MESD: variants seen among roughly 807,000 people sequenced by gnomAD.
MESD encodes the protein mesoderm development LRP chaperone.
MESD carries 7 observed loss-of-function variants against 12.9 expected under a neutral mutation model. The ratio of observed to expected loss-of-function variants is 0.54; its 90% CI spans 0.31 to 1.02. The LOEUF (loss-of-function observed/expected upper bound fraction) is 1.02, where lower values mean the gene tolerates loss of function less well. Among genes scored for constraint, MESD ranks in the 50% least tolerant of loss-of-function variants. MESD has a pLI of 0.05. For missense variants in MESD, 342 were observed against 296.7 expected, an observed-to-expected ratio of 1.15 and a Z score of -1.12; for synonymous variants, 126 against 115.6, an observed-to-expected ratio of 1.09 and a Z score of -0.58.
intron 1 of MESD, among the ~76,000 whole-genome samples, chr15:80,984,866 T>C (rs1347936883): frequency 2.0e-5 from 3 of 152,316 alleles, no homozygotes; most frequent in East Asian, 3.9e-4. Context: ...TGTACTATAT[T>C]AAAAATAATT....
intron 3 of MESD, among the ~76,000 whole-genome samples, chr15:80,957,520 C>G (rs1378508722): frequency 2.0e-5 from 3 of 152,070 alleles, no homozygotes; most frequent in Admixed American, 2.0e-4. Context: ...TAGAGACCAC[C>G]TTTCCTCTCT....
intron 3 of MESD, among the ~76,000 whole-genome samples, chr15:80,966,708 CCT>C (rs779309672): frequency 4.6e-5 from 7 of 152,184 alleles, no homozygotes; most frequent in Non-Finnish European, 8.8e-5. Context: ...TTGGAAAATC[CCT>C]CTGTTGCAAG....
chr15:80,957,568 G>A (rs1006886205), intron 3 of MESD, among the ~76,000 whole-genome samples: 1 of 151,834 alleles, frequency 6.6e-6, no homozygotes, highest in African/African-American at 2.4e-5. Context: ...CCCATGATTG[G>A]AAGAAACTTG....
intron 1 of MESD, among the ~76,000 whole-genome samples, chr15:80,986,952 T>C (rs1431481055): frequency 6.6e-6 from 1 of 152,222 alleles, no homozygotes; most frequent in Non-Finnish European, 1.5e-5. Context: ...CGGTTCCATT[T>C]AATATACAAG....
downstream of MESD, chr15:80,946,781 G>A (rs575006506): frequency 1.8e-4 from 110 of 628,492 alleles, no homozygotes; most frequent in African/African-American, 1.6e-3. Flanking sequence ...CAGGATGTTC[G>A]TCACCACATG....
intron 1 of MESD, among the ~76,000 whole-genome samples, chr15:80,982,993 G>A (rs1466901579): frequency 6.6e-6 from 1 of 152,164 alleles, no homozygotes; most frequent in Admixed American, 6.5e-5. Flanking sequence ...TGTAGTCCCA[G>A]CTACTCAGTA....
chr15:80,949,017 G>T, intron 4 of MESD: 1 of 1,527,730 alleles, frequency 6.5e-7, no homozygotes, highest in Non-Finnish European at 9.0e-7. Flanking sequence ...CCCAGCCCCT[G>T]CCAGCAGCTG....
exon 5 of MESD, chr15:80,948,774 G>T (rs377067871): frequency 6.2e-7 from 1 of 1,613,984 alleles, no homozygotes; most frequent in Non-Finnish European, 8.5e-7. Context: ...CTTTTGCTCA[G>T]GAGACTCATC....
At chr15:80,966,370 T>C (rs1223749074) in intron 3 of MESD, among the ~76,000 whole-genome samples, 2 of 152,224 alleles carry the variant, frequency 1.3e-5, no homozygotes, top group Non-Finnish European at 2.9e-5. Flanking sequence ...ATGGCCTCAT[T>C]TGATGAACTA....
At chr15:80,946,987 A>G, downstream of MESD, 1 of 1,613,672 alleles carries the variant, frequency 6.2e-7, no homozygotes, top group Non-Finnish European at 8.5e-7. Context: ...TATGGCATCA[A>G]AGGGAAGATA....
At chr15:80,964,635 A>G (rs1227013109) in intron 3 of MESD, among the ~76,000 whole-genome samples, 2 of 152,228 alleles carry the variant, frequency 1.3e-5, no homozygotes, top group African/African-American at 4.8e-5. Context: ...CCAATGAAAC[A>G]GAACAGAGGC....
rs1266188949 is a variant in MESD at position 80,978,543 on chromosome 15, A to T, written c.*676T>A. On this transcript the variant is annotated 3_prime_UTR_variant, in exon 3 of 3. Coordinates refer to ENST00000261758, the MANE Select transcript of MESD (RefSeq NM_015154.3). ...TCGACACCAGCAGTACTCTTTCCTA[A>T]ATAAGGAAACAAAACAGAACCCCTA... 6.6e-6 allele frequency: 1 copy of T among 152,246 alleles called. No individual in the cohort carries two copies. Among genetic ancestry groups the T allele is most frequent in the Non-Finnish European group, 1.5e-5 (1 of 68,080 alleles). 9.4% of individuals were successfully genotyped at this position (152,246 alleles called of 1,614,324 possible).
intron 1 of MESD, among the ~76,000 whole-genome samples, chr15:80,988,643 G>C (rs1365606229): frequency 6.6e-6 from 1 of 152,128 alleles, no homozygotes; most frequent in South Asian, 2.1e-4. Context: ...TTAAACTCTT[G>C]TCTGAAAGTC....
At chr15:80,988,481 G>A (rs1902796541) in intron 1 of MESD, among the ~76,000 whole-genome samples, 1 of 152,180 alleles carries the variant, frequency 6.6e-6, no homozygotes, top group Non-Finnish European at 1.5e-5. Flanking sequence ...TTATTTGCTG[G>A]AGTCCAAAAA....
intron 3 of MESD, among the ~76,000 whole-genome samples, chr15:80,970,274 AGAT>A (rs1260764689): frequency 2.0e-5 from 3 of 152,180 alleles, no homozygotes; most frequent in Non-Finnish European, 4.4e-5. Flanking sequence ...TTCCTTTAGG[AGAT>A]GATAACCACT....
At chr15:80,973,277 C>G (rs920636568), downstream of MESD, among the ~76,000 whole-genome samples, 5 of 152,142 alleles carry the variant, frequency 3.3e-5, no homozygotes, top group Non-Finnish European at 5.9e-5. Context: ...ATAAAGACTT[C>G]AAGGTGGGTG....
exon 5 of MESD, chr15:80,948,199 A>T (rs971360612): frequency 6.2e-6 from 1 of 161,834 alleles, no homozygotes; most frequent in African/African-American, 2.4e-5. Flanking sequence ...AGATGGGCTG[A>T]GTATAGACGT....
intron 3 of MESD, among the ~76,000 whole-genome samples, chr15:80,953,199 T>G (rs1478111001): frequency 6.6e-6 from 1 of 152,090 alleles, no homozygotes; most frequent in African/African-American, 2.4e-5. Flanking sequence ...GGGTCAGCTT[T>G]AGGGCCCACT....
chr15:80,979,510 A>G (rs1237932335), intron 2 of MESD, 33 bp from the exon 3 acceptor site: 9 of 1,606,510 alleles, frequency 5.6e-6, no homozygotes, highest in Non-Finnish European at 7.7e-6. Context: ...GTCAGCCAGC[A>G]CGTACTAGTA....
Sources: gnomAD v4.1 joint callset for allele counts (sites outside exome capture counted in the v4.1 genomes callset) on GRCh38, gnomAD v4.1.1 for gene constraint, MANE v1.5 for transcripts, NCBI Gene and HGNC (gene_info 2026-07-23, HGNC 2026-07-21) for gene names.